The following VIRMA variants were observed in gnomAD, a reference collection of about 807,000 sequenced individuals.
VIRMA encodes vir like m6A methyltransferase associated.
In VIRMA, 65 loss-of-function variants were observed where a neutral mutation model predicts 182.4. That is an observed-to-expected ratio of 0.36 (90% CI 0.29 to 0.44). VIRMA has a LOEUF of 0.44. Among genes scored for constraint, VIRMA ranks in the 20% least tolerant of loss-of-function variants. The pLI is 1.00. For missense variants in VIRMA, 1,752 were observed against 2,158.1 expected, an observed-to-expected ratio of 0.81 and a Z score of 3.73; for synonymous variants, 709 against 743.1, an observed-to-expected ratio of 0.95 and a Z score of 0.75.
chr8:94,529,508 C>G (rs560250465), intron 6 of VIRMA, among the ~76,000 whole-genome samples, 166 bp from the exon 7 acceptor site: 3 of 152,248 alleles, frequency 2.0e-5, no homozygotes, highest in African/African-American at 4.8e-5. Flanking sequence ...ATACACTGTA[C>G]AACTTCTACA....
In VIRMA at chr8:94,526,316, T is replaced by C; in HGVS notation, c.1928A>G (p.His643Arg). The change falls in exon 8 of 24, where the codon CAT (histidine) becomes CGT (arginine). Residue 643 changes from histidine to arginine, a missense_variant. Around this residue, in one of 11 missense-constraint regions of VIRMA, gnomAD observed 401 missense variants for 455.1 expected, o/e 0.88. Coordinates refer to ENST00000297591, the MANE Select transcript of VIRMA (RefSeq NM_015496.5). ...CTTAACAGGTTGTTGGATCATTGTA[T>C]GAGGGGCAGTTTCCATTAAATGAAA... ...EVFHLMETAP[H>R]TMIQQPVKSF... The C allele has an allele frequency of 6.2e-7, 1 of 1,614,060 alleles. No homozygotes were observed. The highest frequency in any genetic ancestry group is 8.5e-7 in the Non-Finnish European group (1 of 1,179,904).
chr8:94,504,202 A>C (rs952532083), intron 16 of VIRMA, among the ~76,000 whole-genome samples: 5 of 151,012 alleles, frequency 3.3e-5, no homozygotes, highest in African/African-American at 7.3e-5. Context: ...AAAAAAAAAA[A>C]CCCAGGTCAT....
intron 1 of VIRMA, chr8:94,546,925 T>C (rs1417768591): frequency 2.2e-5 from 10 of 455,524 alleles, no homozygotes; most frequent in Non-Finnish European, 3.5e-5. Flanking sequence ...TCCAAACTTA[T>C]ATCCCTAGCT....
intron 8 of VIRMA, among the ~76,000 whole-genome samples, 196 bp downstream of exon 8, chr8:94,526,027 T>C (rs929792509): frequency 2.6e-5 from 4 of 152,250 alleles, no homozygotes; most frequent in Admixed American, 6.5e-5. Context: ...CCATTTTTGC[T>C]TTAAGAACTA....
At chr8:94,508,248 C>T (rs1490133010) in intron 15 of VIRMA, among the ~76,000 whole-genome samples, 2 of 151,978 alleles carry the variant, frequency 1.3e-5, no homozygotes, top group Admixed American at 6.6e-5. Flanking sequence ...TGCCACCACG[C>T]CCAGCTAGTT....
At chr8:94,509,508 T>C (rs111710460) in intron 15 of VIRMA, among the ~76,000 whole-genome samples, 180 bp downstream of exon 15, 1 of 151,990 alleles carries the variant, frequency 6.6e-6, no homozygotes, top group South Asian at 2.1e-4. Context: ...CCCAAGGTTA[T>C]GATCTTATAA....
At chr8:94,537,214 G>A (rs756850976) in intron 3 of VIRMA, 63 bp from the exon 4 acceptor site, 78 of 1,015,956 alleles carry the variant, frequency 7.7e-5, no homozygotes, top group Non-Finnish European at 9.9e-5. Context: ...TCATGAAGAC[G>A]TCTCTCTAGA....
rs1319326182 is a variant in VIRMA, at chr8:94,526,515, T to C, written c.1729A>G (p.Thr577Ala). 3 of 1,612,884 alleles carry C rather than the reference T, an allele frequency of 1.9e-6. No homozygotes were observed. The highest frequency in any genetic ancestry group is 2.5e-6 in the Non-Finnish European group (3 of 1,179,740). The change falls in exon 8 of 24, where the codon ACT becomes GCT. Residue 577 changes from threonine to alanine, a missense_variant. By Grantham distance (58) the Thr-to-Ala change is moderately conservative. Coordinates refer to ENST00000297591, the MANE Select transcript of VIRMA (RefSeq NM_015496.5). The part of the protein sequence containing the change: ...KRLGDHLAEK[T>A]SSLPNHSEPD... The stretch of plus-strand genomic sequence containing the variant: ...TCACTGTGGTTAGGAAGAGATGAAG[T>C]CTTCTCTGCTAAATGGTCACCAAGT...
intron 16 of VIRMA, among the ~76,000 whole-genome samples, chr8:94,500,442 A>G (rs190198349): frequency 6.6e-6 from 1 of 152,274 alleles, no homozygotes; most frequent in East Asian, 1.9e-4. Flanking sequence ...TGGGTTCAAA[A>G]TTGGACTACA....
chr8:94,543,057 C>T (rs988047681), intron 2 of VIRMA, among the ~76,000 whole-genome samples: 3 of 151,900 alleles, frequency 2.0e-5, no homozygotes, highest in East Asian at 2.0e-4. Flanking sequence ...TACAGGCATG[C>T]GCCACCATGC....
intron 13 of VIRMA, 54 bp from the exon 14 acceptor site, chr8:94,510,706 G>T: frequency 7.6e-7 from 1 of 1,317,374 alleles, no homozygotes; most frequent in Non-Finnish European, 1.1e-6. Flanking sequence ...TTTATTTATA[G>T]TCACAAAAAC....
rs1178656295 is a variant in VIRMA, at chr8:94,488,732, G to A, written c.5413C>T (p.Arg1805Cys). 4.3e-6 allele frequency: 7 copies of A among 1,613,962 alleles called. No homozygotes were observed. The highest frequency in any genetic ancestry group is 5.9e-6 in the Non-Finnish European group (7 of 1,180,004). ...TATCGTGTAAAGGAGCGTACATGAC[G>A]ACCTCTACCACTGCCTCCACTAACA... ...KFVSGGSGRGRHVRSFTR is the reference protein window; with the variant it reads ...KFVSGGSGRGCHVRSFTR Residue 1805 changes from arginine to cysteine, a missense_variant, in exon 24 of 24, where the codon CGT becomes TGT. Transcript: ENST00000297591.
chr8:94,493,388 C>T (rs1451624206), intron 20 of VIRMA, among the ~76,000 whole-genome samples: 1 of 152,214 alleles, frequency 6.6e-6, no homozygotes, highest in East Asian at 1.9e-4. Context: ...TGTGATTCAA[C>T]TTAAAGTTAA....
At position 94,534,928 on chromosome 8, in the gene VIRMA, A is replaced by G. The variant is rs549714278; in HGVS notation, c.395T>C (p.Ile132Thr). The change falls in exon 5 of 24, where the codon ATA becomes ACA. Residue 132 changes from isoleucine (I) to threonine (T), a missense_variant. By Grantham distance (89) the Ile-to-Thr change is moderately conservative. Transcript: ENST00000297591. ...TGGTGGAGAGTCTCTGTCATGACTT[A>G]TCACTCTATCCACTGATCCATATAT... ...LAIYGSVDRV[I>T]SHDRDSPPPP... 1.2e-6 allele frequency: 2 copies of G among 1,613,820 alleles called. No individual in the cohort carries two copies. Among genetic ancestry groups the G allele is most frequent in the Non-Finnish European group, 1.7e-6 (2 of 1,179,980 alleles).
At chr8:94,553,354 G>T in intron 1 of VIRMA, 31 bp downstream of exon 1, 1 of 1,606,010 alleles carries the variant, frequency 6.2e-7, no homozygotes, top group Non-Finnish European at 8.5e-7. Flanking sequence ...AAGTCAAGAA[G>T]CAGCGTCAGA....
At chr8:94,506,802 T>C in intron 15 of VIRMA, 85 bp from the exon 16 acceptor site, 1 of 737,140 alleles carries the variant, frequency 1.4e-6, no homozygotes, top group Non-Finnish European at 2.3e-6. Flanking sequence ...TAGCAATTAA[T>C]ATTCAATAAC....
intron 1 of VIRMA, among the ~76,000 whole-genome samples, chr8:94,544,302 C>T (rs1476290841): frequency 2.0e-5 from 3 of 151,966 alleles, no homozygotes; most frequent in Non-Finnish European, 2.9e-5. Flanking sequence ...TACTTTAGAC[C>T]CCCAGTGGCT....
At position 94,494,035 on chromosome 8, in the gene VIRMA, T is replaced by C. The variant is rs113997082; in HGVS notation, c.4641+825A>G. 7.9e-3 allele frequency among the ~76,000 whole-genome samples: 1,208 copies of C among 152,320 alleles called. 17 individuals carry two copies. The highest frequency in any genetic ancestry group is 0.027 in the African/African-American group (1,114 of 41,578). ...CACCATAGCACAACCATTCCTCTCC[T>C]TGAACCCAAATGCAAGAATAAACTG... On this transcript the variant is annotated intron_variant, in intron 20 of 23. Coordinates refer to ENST00000297591, the MANE Select transcript of VIRMA (RefSeq NM_015496.5).
At chr8:94,503,880 A>AC (rs1468974185) in intron 16 of VIRMA, among the ~76,000 whole-genome samples, 2 of 151,406 alleles carry the variant, frequency 1.3e-5, no homozygotes, top group Non-Finnish European at 3.0e-5. Flanking sequence ...CAAAAAAACA[A>AC]AAAAAAAACA....
Sources: gnomAD v4.1 joint callset for allele counts (sites outside exome capture counted in the v4.1 genomes callset) on GRCh38, gnomAD v4.1.1 for gene constraint, gnomAD v4.1.1 regional missense constraint, MANE v1.5 for transcripts, NCBI Gene and HGNC (gene_info 2026-07-23, HGNC 2026-07-21) for gene names.